The following ARPP21 variants were observed in gnomAD, a reference collection of about 807,000 sequenced individuals.
ARPP21 encodes the protein cAMP regulated phosphoprotein 21.
A neutral mutation model predicts 113.2 loss-of-function variants in ARPP21; 69 were observed. The ratio of observed to expected loss-of-function variants is 0.61; its 90% CI spans 0.50 to 0.74. The LOEUF (loss-of-function observed/expected upper bound fraction) is 0.74. ARPP21 is among the 30% of genes least tolerant of loss of function. The probability of loss-of-function intolerance (pLI) is 0.00; values close to 1 mark genes in which losing one functional copy is unlikely to be tolerated. For synonymous variants in ARPP21, 368 were observed against 375.5 expected, an observed-to-expected ratio of 0.98 and a Z score of 0.23; for missense variants, 1,070 against 1,037.4, an observed-to-expected ratio of 1.03 and a Z score of -0.43.
At chr3:35,731,274 T>G (rs964510488) in intron 15 of ARPP21, among the ~76,000 whole-genome samples, 1 of 152,186 alleles carries the variant, frequency 6.6e-6, no homozygotes, top group Admixed American at 6.5e-5. Context: ...TATAATCTTG[T>G]TTGTAGAAAA....
At chr3:35,753,136 T>C (rs760959565) in intron 19 of ARPP21, among the ~76,000 whole-genome samples, 1 of 151,770 alleles carries the variant, frequency 6.6e-6, no homozygotes, top group Non-Finnish European at 1.5e-5. Context: ...TGGTTTATTT[T>C]TCCCTTGTGG....
intron 1 of ARPP21, among the ~76,000 whole-genome samples, chr3:35,661,222 TA>T (rs1330289290): frequency 6.6e-6 from 1 of 152,170 alleles, no homozygotes; most frequent in Non-Finnish European, 1.5e-5. Context: ...CTCAGCCTTG[TA>T]AAACATCAAA....
chr3:35,657,391 C>T (rs997132270), intron 1 of ARPP21, among the ~76,000 whole-genome samples: 16 of 152,086 alleles, frequency 1.1e-4, no homozygotes, highest in Non-Finnish European at 2.4e-4. Context: ...GAAGAATTGG[C>T]AGTTTAATTC....
chr3:35,728,191 C>A (rs1362050931), intron 14 of ARPP21, among the ~76,000 whole-genome samples: 1 of 139,076 alleles, frequency 7.2e-6, no homozygotes, highest in Non-Finnish European at 1.6e-5. Context: ...AATAATAATG[C>A]CCACCATCTA....
intron 9 of ARPP21, among the ~76,000 whole-genome samples, chr3:35,698,102 C>T (rs1002640483): frequency 6.6e-6 from 1 of 151,668 alleles, no homozygotes; most frequent in Non-Finnish European, 1.5e-5. Context: ...ACATTGTTCT[C>T]AGGAAAACTA....
rs539494611 is a variant in ARPP21 at position 35,668,435 on chromosome 3, G to A, written c.-212-11352G>A. On this transcript the variant is annotated intron_variant, in intron 1 of 20. Coordinates refer to ENST00000684406, the MANE Select transcript of ARPP21 (RefSeq NM_001385562.1). ...CTCCTGCTGGAGTCTCTGAAGTGTA[G>A]AGCAATCATGGCCTAATCTGGAATT... Among the ~76,000 whole-genome samples, 106 of 152,054 alleles carry A rather than the reference G, an allele frequency of 7.0e-4. 1 individual carries two copies. The highest frequency in any genetic ancestry group is 6.8e-3 in the Middle Eastern group (2 of 294).
At chr3:35,708,032 G>A (rs1239943822) in intron 10 of ARPP21, among the ~76,000 whole-genome samples, 1 of 151,752 alleles carries the variant, frequency 6.6e-6, no homozygotes, top group East Asian at 1.9e-4. Flanking sequence ...AATCACTCTC[G>A]GTGAGTCATT....
rs774899213 is a variant in ARPP21 at position 35,689,314 on chromosome 3, C to A, written c.414C>A (p.Ser138Arg). 6.5e-7 allele frequency: 1 copy of A among 1,547,280 alleles called. No homozygotes were observed. Among genetic ancestry groups the A allele is most frequent in the Non-Finnish European group, 8.9e-7 (1 of 1,120,202 alleles). Reference protein sequence around the residue: ...PKIRMLSKDCSQEYTDSTGID... With the variant: ...PKIRMLSKDCRQEYTDSTGID... ...TCCTGCTATTTGTTTCAGATTGCAG[C>A]CAAGAATACACGGATTCTACAGGCA... Residue 138 changes from serine (S) to arginine (R), a missense_variant, in exon 7 of 21, where the codon AGC becomes AGA. Ser to Arg is a moderately radical substitution (Grantham distance 110). Transcript: ENST00000684406.
intron 11 of ARPP21, 82 bp downstream of exon 11, chr3:35,709,152 G>T (rs1487728873): frequency 2.1e-6 from 2 of 942,632 alleles, no homozygotes; most frequent in Non-Finnish European, 3.3e-6. Context: ...CAGCGAGGTG[G>T]CAGGGAATAA....
At chr3:35,660,439 G>A (rs966376175) in intron 1 of ARPP21, among the ~76,000 whole-genome samples, 6 of 152,004 alleles carry the variant, frequency 3.9e-5, no homozygotes, top group Middle Eastern at 3.2e-3. Flanking sequence ...CCCCTTATCC[G>A]CACATACACC....
upstream of ARPP21, chr3:35,639,100 G>C (rs1183747519): frequency 2.0e-5 from 3 of 152,576 alleles, no homozygotes; most frequent in Non-Finnish European, 4.4e-5. The surrounding 1 kb of genome is among the most constrained non-coding windows in gnomAD (Gnocchi z 5.0). Context: ...GCAGGGAGGC[G>C]GTGTGGCGGG....
At chr3:35,730,992 A>T (rs1261390987) in intron 15 of ARPP21, among the ~76,000 whole-genome samples, 1 of 152,220 alleles carries the variant, frequency 6.6e-6, no homozygotes, top group Non-Finnish European at 1.5e-5. Context: ...AAGCACTATA[A>T]AGAAAATCAA....
At chr3:35,732,777 CTTT>C (rs1437663090) in intron 15 of ARPP21, among the ~76,000 whole-genome samples, 2 of 152,150 alleles carry the variant, frequency 1.3e-5, no homozygotes, top group Admixed American at 1.3e-4. Context: ...TTTGAGGAGC[CTTT>C]TAGAGCTGTT....
chr3:35,754,464 A>G (rs1414735067), intron 19 of ARPP21, among the ~76,000 whole-genome samples: 3 of 151,978 alleles, frequency 2.0e-5, no homozygotes, highest in Non-Finnish European at 4.4e-5. Context: ...AGTCACATGG[A>G]TGAATCCTTG....
intron 2 of ARPP21, among the ~76,000 whole-genome samples, chr3:35,680,300 G>A (rs770705674): frequency 1.3e-5 from 2 of 151,872 alleles, no homozygotes; most frequent in Non-Finnish European, 2.9e-5. Flanking sequence ...TAAGAAATCC[G>A]TCAGAATGCA....
At chr3:35,659,029 GATA>G (rs1382621425) in intron 1 of ARPP21, among the ~76,000 whole-genome samples, 17 of 152,148 alleles carry the variant, frequency 1.1e-4, no homozygotes, top group African/African-American at 4.1e-4. Flanking sequence ...GAATTTCACA[GATA>G]ATGTTTGGAT....
intron 9 of ARPP21, among the ~76,000 whole-genome samples, chr3:35,706,522 A>T (rs2089136271): frequency 6.6e-6 from 1 of 152,236 alleles, no homozygotes; most frequent in South Asian, 2.1e-4. Flanking sequence ...CTCACTACAC[A>T]GTCTAAAGAC....
intron 15 of ARPP21, among the ~76,000 whole-genome samples, chr3:35,730,160 G>A (rs9311105): frequency 0.14 from 21,198 of 152,110 alleles, 1,600 homozygotes; most frequent in South Asian, 0.26. Flanking sequence ...TTATGATTAC[G>A]GTTTCTTCTG....
At chr3:35,640,743 C>T (rs992486120) in intron 1 of ARPP21, among the ~76,000 whole-genome samples, 2 of 152,124 alleles carry the variant, frequency 1.3e-5, no homozygotes. Context: ...GAAAGTTATA[C>T]TCTGTTTGTT....
Sources: allele counts gnomAD v4.1 joint callset (sites outside exome capture counted in the v4.1 genomes callset), GRCh38; gene constraint gnomAD v4.1.1; non-coding constraint Gnocchi (gnomAD v3.1); transcripts MANE v1.5; gene names NCBI Gene and HGNC (gene_info 2026-07-23, HGNC 2026-07-21).